The following SHB variants were observed in gnomAD, a reference collection of about 807,000 sequenced individuals.
The protein encoded by SHB is SH2 domain-containing adapter protein B.
Under a neutral mutation model 52.3 loss-of-function variants are expected in SHB, and 20 were observed. The observed-to-expected ratio is 0.38, with a 90% CI of 0.27 to 0.56. The LOEUF is 0.56. Among genes scored for constraint, SHB ranks in the 20% least tolerant of loss-of-function variants. The pLI, the probability that SHB is intolerant of heterozygous loss-of-function variation, is 0.71. For synonymous variants in SHB, 397 were observed against 316.5 expected, an observed-to-expected ratio of 1.25 and a Z score of -2.70; for missense variants, 825 against 723.3, an observed-to-expected ratio of 1.14 and a Z score of -1.61.
At chr9:38,038,476 A>G (rs1031916008) in intron 1 of SHB, among the ~76,000 whole-genome samples, 1 of 152,194 alleles carries the variant, frequency 6.6e-6, no homozygotes, top group African/African-American at 2.4e-5. Flanking sequence ...GACAGGGCCT[A>G]TGTTCACTTT....
At chr9:37,987,197 G>A (rs146530191) in intron 2 of SHB, among the ~76,000 whole-genome samples, 358 of 152,364 alleles carry the variant, frequency 2.3e-3, no homozygotes, top group African/African-American at 8.1e-3. Flanking sequence ...AAGCTCAGTG[G>A]TTGGGCCAAC....
chr9:37,997,562 G>T (rs1199645194), intron 2 of SHB, among the ~76,000 whole-genome samples: 1 of 152,192 alleles, frequency 6.6e-6, no homozygotes, highest in African/African-American at 2.4e-5. Flanking sequence ...ATCCACTGGG[G>T]CTTGGATCTC....
intron 1 of SHB, among the ~76,000 whole-genome samples, chr9:38,065,223 T>C (rs1166114034): frequency 6.6e-6 from 1 of 152,114 alleles, no homozygotes; most frequent in Non-Finnish European, 1.5e-5. Context: ...TGGCTGGAAA[T>C]AATGTGAAAA....
At chr9:37,948,810 TG>T (rs1832525280) in intron 4 of SHB, 56 bp from the exon 5 acceptor site, 1 of 1,605,608 alleles carries the variant, frequency 6.2e-7, no homozygotes, top group Admixed American at 1.7e-5. Flanking sequence ...CCCATGGCCC[TG>T]ACCTGCCTTG....
At chr9:38,013,940 CATA>C (rs1424364079) in intron 2 of SHB, among the ~76,000 whole-genome samples, 1 of 152,190 alleles carries the variant, frequency 6.6e-6, no homozygotes, top group East Asian at 1.9e-4. Flanking sequence ...GATGAAGAAA[CATA>C]ATGAGGCTTA....
chr9:37,989,592 C>T lies in SHB; in HGVS notation c.839-14755G>A, dbSNP rs185180826. Reference sequence around the variant, plus strand: ...TGTAACCACCTGATTGCAGACAGAGCCGGCAACTCCATTTAAGTGGGGAAA... The same window carrying T: ...TGTAACCACCTGATTGCAGACAGAGTCGGCAACTCCATTTAAGTGGGGAAA... On this transcript the variant is annotated intron_variant, in intron 2 of 5. Coordinates refer to ENST00000377707, the MANE Select transcript of SHB (RefSeq NM_003028.3). Among the ~76,000 whole-genome samples, 282 of 152,322 alleles carry T rather than the reference C, an allele frequency of 1.9e-3. 1 individual carries two copies. Among genetic ancestry groups the T allele is most frequent in the Non-Finnish European group, 3.5e-3 (240 of 68,028 alleles).
chr9:38,051,439 C>CT (rs1489586130), intron 1 of SHB, among the ~76,000 whole-genome samples: 1 of 87,290 alleles, frequency 1.1e-5, no homozygotes. Context: ...GAGACTCCGT[C>CT]TAAAAAAAAA....
intron 5 of SHB, among the ~76,000 whole-genome samples, chr9:37,926,822 C>T (rs1273228057): frequency 6.6e-6 from 1 of 152,244 alleles, no homozygotes; most frequent in African/African-American, 2.4e-5. Flanking sequence ...ACTGCCCCAA[C>T]ACTGTGAGAG....
chr9:38,012,107 C>G (rs919926539), intron 2 of SHB, among the ~76,000 whole-genome samples: 7 of 152,160 alleles, frequency 4.6e-5, no homozygotes, highest in African/African-American at 1.2e-4. Context: ...CTCACGCCTT[C>G]CATCCTAGCT....
chr9:37,973,341 G>A (rs933166308), intron 3 of SHB, among the ~76,000 whole-genome samples: 6 of 152,012 alleles, frequency 3.9e-5, no homozygotes, highest in African/African-American at 1.2e-4. Flanking sequence ...CTCCTGCCTC[G>A]GCCTCCTGAG....
At position 38,068,507 on chromosome 9, in the gene SHB, CCTGCGGCACGGCCTGGGGGGG is replaced by C; in HGVS notation, c.118_138del (p.Pro40_Gln46del). ...CAGGACGCCGAGGCGGCGGAGGAGG[CCTGCGGCACGGCCTGGGGGGG>C]CTGCGAAGGCCGCTCGCCTCGGCGC... On this transcript the variant is annotated inframe_deletion, in exon 1 of 6. Coordinates refer to ENST00000377707, the MANE Select transcript of SHB (RefSeq NM_003028.3). The C allele has an allele frequency of 6.7e-7, 1 of 1,486,458 alleles. No individual in the cohort carries two copies. Among genetic ancestry groups the C allele is most frequent in the Non-Finnish European group, 8.9e-7 (1 of 1,125,328 alleles). The allele number at this position is 1,486,458 out of a possible 1,614,324, so 92.1% of individuals were successfully genotyped here. A position where few individuals can be genotyped will look rare whatever the true frequency, so the allele number is the denominator to read the frequency against.
chr9:37,938,746 G>C (rs564109385), intron 5 of SHB, among the ~76,000 whole-genome samples: 30 of 152,370 alleles, frequency 2.0e-4, no homozygotes, highest in Admixed American at 9.1e-4. Flanking sequence ...TGGCTCAGAC[G>C]GGAGACGCAG....
intron 1 of SHB, among the ~76,000 whole-genome samples, chr9:38,033,590 C>A (rs1385790684): frequency 5.3e-5 from 8 of 152,198 alleles, no homozygotes; most frequent in Non-Finnish European, 1.2e-4. Context: ...TGGAGAGGGT[C>A]CACCTGAGTG....
At chr9:38,051,117 G>C (rs1370504313) in intron 1 of SHB, among the ~76,000 whole-genome samples, 1 of 152,064 alleles carries the variant, frequency 6.6e-6, no homozygotes, top group Non-Finnish European at 1.5e-5. Flanking sequence ...TAGTTTGCAG[G>C]TGACAAAGAA....
intron 1 of SHB, among the ~76,000 whole-genome samples, chr9:38,059,024 A>G (rs1414344998): frequency 6.6e-6 from 1 of 152,306 alleles, no homozygotes; most frequent in East Asian, 1.9e-4. Flanking sequence ...AGCTCAGGGG[A>G]GCATAGACTC....
At chr9:38,051,862 A>T (rs2118167827) in intron 1 of SHB, among the ~76,000 whole-genome samples, 1 of 152,342 alleles carries the variant, frequency 6.6e-6, no homozygotes, top group South Asian at 2.1e-4. Flanking sequence ...GACTGAGCCC[A>T]GCAAACATCT....
rs149473019 is a variant in SHB at position 38,057,731 on chromosome 9, A to G, written c.717+10198T>C. Among the ~76,000 whole-genome samples the G allele has an allele frequency of 3.9e-4, 59 of 152,298 alleles. 1 individual carries two copies. In the East Asian group the frequency reaches 0.011, roughly 28 times the overall value. Reference sequence around the variant, plus strand: ...TGTTAAGAACTTTCTGATGATTTTCATTTTTAGAATTTAGCCGTGGCCTGG... The same window carrying G: ...TGTTAAGAACTTTCTGATGATTTTCGTTTTTAGAATTTAGCCGTGGCCTGG... On this transcript the variant is annotated intron_variant, in intron 1 of 5. Coordinates refer to ENST00000377707, the MANE Select transcript of SHB (RefSeq NM_003028.3).
intron 1 of SHB, among the ~76,000 whole-genome samples, chr9:38,054,800 C>T (rs1821794116): frequency 6.6e-6 from 1 of 152,096 alleles, no homozygotes; most frequent in African/African-American, 2.4e-5. Context: ...CTGTGAATAC[C>T]AGGTGCTCAA....
chr9:38,068,607 G>A lies in SHB; in HGVS notation c.39C>T (p.Asn13=). The change falls in exon 1 of 6, where the codon AAC becomes AAT. Residue 13 remains asparagine (N), a synonymous_variant. Transcript: ENST00000377707. The part of the protein sequence containing the change: ...KWLNKYFSLG[N]SKTKSPPQPP... ...GCTGCGGGGGGCTCTTGGTCTTGCT[G>A]TTGCCCAAGCTGAAGTACTTGTTTA... 2.7e-6 allele frequency: 4 copies of A among 1,493,972 alleles called. No individual in the cohort carries two copies. Among genetic ancestry groups the A allele is most frequent in the South Asian group, 1.3e-5 (1 of 78,094 alleles). The allele number at this position is 1,493,972 out of a possible 1,614,324, so 92.5% of individuals were successfully genotyped here.
Sources: gnomAD v4.1 joint callset for allele counts (sites outside exome capture counted in the v4.1 genomes callset) on GRCh38, gnomAD v4.1.1 for gene constraint, MANE v1.5 for transcripts, NCBI Gene and HGNC (gene_info 2026-07-23, HGNC 2026-07-21) for gene names.